MSANTD2: variants seen among roughly 807,000 people sequenced by gnomAD.
MSANTD2 encodes the protein Myb/SANT DNA binding domain containing 2.
MSANTD2 carries 19 observed loss-of-function variants against 52.6 expected under a neutral mutation model. That is an observed-to-expected ratio of 0.36 (90% CI 0.25 to 0.53). The LOEUF (loss-of-function observed/expected upper bound fraction) is 0.53. MSANTD2 is among the 20% of genes least tolerant of loss of function. The pLI, the probability that MSANTD2 is intolerant of heterozygous loss-of-function variation, is 0.91. For missense variants in MSANTD2, 558 were observed against 716.3 expected, an observed-to-expected ratio of 0.78 and a Z score of 2.52; for synonymous variants, 291 against 289.7, an observed-to-expected ratio of 1.00 and a Z score of -0.04.
chr11:124,787,772 C>T (rs1346210596), intron 1 of MSANTD2, among the ~76,000 whole-genome samples: 2 of 152,170 alleles, frequency 1.3e-5, no homozygotes, highest in Non-Finnish European at 2.9e-5. Flanking sequence ...ACTGCCATAG[C>T]TTCTTTGACT....
chr11:124,782,890 G>A (rs1298765307), intron 1 of MSANTD2, among the ~76,000 whole-genome samples: 4 of 152,194 alleles, frequency 2.6e-5, no homozygotes, highest in Admixed American at 1.3e-4. Context: ...CTTGATGGGC[G>A]GGGCTCCTGA....
intron 1 of MSANTD2, 69 bp downstream of exon 1, chr11:124,799,801 GC>G: frequency 8.2e-7 from 1 of 1,215,312 alleles, no homozygotes; most frequent in East Asian, 2.9e-5. Context: ...ACCGGCCCCC[GC>G]CCCCGAGGCC....
At chr11:124,797,570 G>A (rs1406729797) in intron 1 of MSANTD2, among the ~76,000 whole-genome samples, 2 of 152,216 alleles carry the variant, frequency 1.3e-5, no homozygotes. Context: ...GTGAGTAAGA[G>A]AGACCAGAAC....
At chr11:124,782,242 G>A (rs1384602709) in intron 1 of MSANTD2, among the ~76,000 whole-genome samples, 8 of 151,294 alleles carry the variant, frequency 5.3e-5, no homozygotes, top group Admixed American at 3.9e-4. Flanking sequence ...AAGGCCAGGA[G>A]TCAAGACCAG....
intron 1 of MSANTD2, among the ~76,000 whole-genome samples, chr11:124,798,075 G>A (rs1321312946): frequency 6.6e-6 from 1 of 151,964 alleles, no homozygotes; most frequent in East Asian, 1.9e-4. Context: ...GTCATGGATA[G>A]ACGCTAGCCA....
chr11:124,781,183 C>CAA (rs373484883), intron 1 of MSANTD2, among the ~76,000 whole-genome samples: 5 of 62,930 alleles, frequency 7.9e-5, no homozygotes, highest in Non-Finnish European at 7.1e-5. Flanking sequence ...GTCTCTGTCT[C>CAA]AAAAAAAAAA....
chr11:124,767,677 G>T lies in MSANTD2; in HGVS notation c.1179C>A (p.Asp393Glu). ...GTTTGGAGTGGGCAATGGGTATCCA[G>T]TCAATTTCCATGTGCAGCTCCAAGC... ...ARCLELHMEI[D>E]WIPIAHSKPT... Residue 393 changes from aspartate (D) to glutamate (E), a missense_variant, in exon 4 of 4, where the codon GAC (aspartate) becomes GAA (glutamate). Physicochemically the swap from Asp to Glu is conservative, Grantham distance 45. Coordinates refer to ENST00000374979, the MANE Select transcript of MSANTD2 (RefSeq NM_001308027.2). This position sits in a 1 kb window ranked among gnomAD's most constrained non-coding sequence, Gnocchi z 6.5. The T allele has an allele frequency of 3.1e-6, 5 of 1,614,238 alleles. No individual in the cohort carries two copies. The highest frequency in any genetic ancestry group is 4.2e-6 in the Non-Finnish European group (5 of 1,180,050).
chr11:124,794,302 T>C (rs1945424441), intron 1 of MSANTD2, among the ~76,000 whole-genome samples: 1 of 152,262 alleles, frequency 6.6e-6, no homozygotes, highest in Non-Finnish European at 1.5e-5. Context: ...CATTCAGTTT[T>C]AACATGTGCT....
At position 124,767,345 on chromosome 11, in the gene MSANTD2, C is replaced by G; in HGVS notation, c.1511G>C (p.Trp504Ser). Reference protein sequence around the residue: ...QANTKTFSKDWVGINGFLSQN... With the variant: ...QANTKTFSKDSVGINGFLSQN... Reference sequence around the variant, plus strand: ...AGACAAAAACCCGTTAATACCAACCCAATCTTTGCTGAAGGTTTTGGTATT... The same window carrying G: ...AGACAAAAACCCGTTAATACCAACCGAATCTTTGCTGAAGGTTTTGGTATT... Residue 504 changes from tryptophan (W) to serine (S), a missense_variant, in exon 4 of 4, where the codon TGG becomes TCG. Transcript: ENST00000374979. The surrounding 1 kb of genome is among the most constrained non-coding windows in gnomAD (Gnocchi z 6.5). 1 of 1,614,132 alleles carries G rather than the reference C, an allele frequency of 6.2e-7. No individual in the cohort carries two copies. The highest frequency in any genetic ancestry group is 1.1e-5 in the South Asian group (1 of 91,082).
chr11:124,797,109 G>A (rs912095465), intron 1 of MSANTD2, among the ~76,000 whole-genome samples: 1 of 152,088 alleles, frequency 6.6e-6, no homozygotes, highest in African/African-American at 2.4e-5. Context: ...CTGTTTTTTC[G>A]TTAAACAGCA....
At chr11:124,783,904 A>G (rs1473996280) in intron 1 of MSANTD2, 3 of 985,304 alleles carry the variant, frequency 3.0e-6, no homozygotes, top group African/African-American at 1.7e-5. Context: ...CACTCATACA[A>G]TGATCTCAGA....
At chr11:124,772,331 C>T (rs541998194) in intron 3 of MSANTD2, among the ~76,000 whole-genome samples, 1 of 152,336 alleles carries the variant, frequency 6.6e-6, no homozygotes, top group South Asian at 2.1e-4. Flanking sequence ...CATCCACACA[C>T]AGGCAAATAC....
chr11:124,800,122 C>T lies in MSANTD2; in HGVS notation c.259G>A (p.Gly87Ser). The stretch of plus-strand genomic sequence containing the variant: ...GCGGCTGCCGCAGCCCCGCCACCGC[C>T]GCCACCAGGGGAGAAGGAGACCGAG... ...SSSVSFSPGG[G>S]GGGAAAAAAA... Residue 87 changes from glycine to serine, a missense_variant, in exon 1 of 4, where the codon GGC becomes AGC. Physicochemically the swap from Gly to Ser is moderately conservative, Grantham distance 56. Around this residue, in one of 2 missense-constraint regions of MSANTD2, gnomAD observed 150 missense variants for 142.7 expected, o/e 1.05. Transcript: ENST00000374979. This position sits in a 1 kb window ranked among gnomAD's most constrained non-coding sequence, Gnocchi z 4.3. 1 of 1,482,644 alleles carries T rather than the reference C, an allele frequency of 6.7e-7. No homozygotes were observed. The highest frequency in any genetic ancestry group is 8.9e-7 in the Non-Finnish European group (1 of 1,126,054). The allele number at this position is 1,482,644 out of a possible 1,614,324, so 91.8% of individuals were successfully genotyped here.
chr11:124,777,357 C>T (rs546812401), intron 1 of MSANTD2, among the ~76,000 whole-genome samples: 16 of 152,298 alleles, frequency 1.1e-4, no homozygotes, highest in African/African-American at 2.4e-4. Context: ...ACGGTTATTT[C>T]GGAAGTCAGG....
At chr11:124,791,459 C>T (rs1277031115) in intron 1 of MSANTD2, 12 of 1,171,498 alleles carry the variant, frequency 1.0e-5, no homozygotes, top group South Asian at 9.9e-5. Flanking sequence ...TCCCCACCTG[C>T]ACTGGGAGGT....
At chr11:124,770,103 A>G (rs1302987578) in intron 3 of MSANTD2, among the ~76,000 whole-genome samples, 1 of 152,210 alleles carries the variant, frequency 6.6e-6, no homozygotes, top group Non-Finnish European at 1.5e-5. Context: ...TGAAGTTCCA[A>G]TCACCAGAAA....
intron 1 of MSANTD2, chr11:124,791,661 G>T (rs1945335655): frequency 4.3e-6 from 6 of 1,405,258 alleles, no homozygotes; most frequent in East Asian, 4.6e-5. Context: ...CCAGCATTTG[G>T]TGAGGGCATT....
intron 3 of MSANTD2, 66 bp downstream of exon 3, chr11:124,772,928 T>C (rs941248513): frequency 1.0e-6 from 1 of 992,822 alleles, no homozygotes; most frequent in Non-Finnish European, 1.6e-6. Flanking sequence ...AAATATTTTC[T>C]GATCTTCCCA....
intron 3 of MSANTD2, among the ~76,000 whole-genome samples, chr11:124,772,013 A>G (rs983558295): frequency 6.6e-6 from 1 of 152,238 alleles, no homozygotes; most frequent in African/African-American, 2.4e-5. Flanking sequence ...AAGCTATTAA[A>G]AAGAACCACA....
Sources: gnomAD v4.1 joint callset for allele counts (sites outside exome capture counted in the v4.1 genomes callset) on GRCh38, gnomAD v4.1.1 for gene constraint, gnomAD v4.1.1 regional missense constraint, Gnocchi (gnomAD v3.1) non-coding constraint, MANE v1.5 for transcripts, NCBI Gene and HGNC (gene_info 2026-07-23, HGNC 2026-07-21) for gene names.